Variants in ANO10 observed in about 807,000 individuals in gnomAD.
ANO10 encodes the protein anoctamin-10.
ANO10 carries 77 observed loss-of-function variants against 74.7 expected under a neutral mutation model. The observed-to-expected ratio is 1.03, with a 90% CI of 0.86 to 1.25. The LOEUF (loss-of-function observed/expected upper bound fraction) is 1.25, where lower values mean the gene tolerates loss of function less well. ANO10 is among the 50% of genes most tolerant of loss of function. The pLI is 0.00. For missense variants in ANO10, 721 were observed against 778.1 expected, an observed-to-expected ratio of 0.93 and a Z score of 0.87; for synonymous variants, 279 against 284.9, an observed-to-expected ratio of 0.98 and a Z score of 0.21.
intron 11 of ANO10, among the ~76,000 whole-genome samples, chr3:43,509,326 C>T (rs191985843): frequency 1.9e-4 from 29 of 152,070 alleles, no homozygotes; most frequent in East Asian, 1.7e-3. Flanking sequence ...ATGTAACAAA[C>T]CTGCACGTTG....
In ANO10 at chr3:43,580,142, C is replaced by CA. The variant is rs546649985; in HGVS notation, c.592+210dup. 0.088 allele frequency among the ~76,000 whole-genome samples: 6,352 copies of CA among 72,214 alleles called. 207 individuals carry two copies. The highest frequency in any genetic ancestry group is 0.12 in the Non-Finnish European group (4,279 of 36,080). The allele number at this position is 72,214 out of a possible 152,430, so 47.4% of individuals were successfully genotyped here. A position where few individuals can be genotyped will look rare whatever the true frequency, so the allele number is the denominator to read the frequency against. On this transcript the variant is annotated intron_variant, in intron 5 of 12. Transcript: ENST00000292246. ...CCTGTGACATAGTGAGACCCTATCT[C>CA]AAAAAAAAAAAAAAAAAAGTTTAAA...
rs576585079 is a variant in ANO10 at position 43,660,204 on chromosome 3, C to T, written c.-12+31313G>A. Among the ~76,000 whole-genome samples the T allele has an allele frequency of 2.0e-5, 3 of 152,234 alleles. No homozygotes were observed. The East Asian group carries it at 5.8e-4, about 30-fold the overall frequency. On this transcript the variant is annotated intron_variant, in intron 1 of 3. Transcript: ENST00000413397. Reference sequence around the variant, plus strand: ...ATGACTCTTCTGTTCCAAAGGAACACAACTCCTCGCCAGCAAGAGAACAAA... The same window carrying T: ...ATGACTCTTCTGTTCCAAAGGAACATAACTCCTCGCCAGCAAGAGAACAAA...
At chr3:43,408,524 C>T (rs1177085509) in intron 12 of ANO10, among the ~76,000 whole-genome samples, 1 of 152,130 alleles carries the variant, frequency 6.6e-6, no homozygotes, top group Non-Finnish European at 1.5e-5. Context: ...TTACTTACTG[C>T]CCAAAGTACA....
intron 12 of ANO10, chr3:43,372,996 C>T (rs2091672678): frequency 1.3e-6 from 1 of 776,440 alleles, no homozygotes; most frequent in Non-Finnish European, 2.0e-6. Context: ...GTCAGCATCA[C>T]TCTCTGGCCC....
chr3:43,647,629 A>G (rs750988607), intron 1 of ANO10, among the ~76,000 whole-genome samples: 4 of 152,196 alleles, frequency 2.6e-5, no homozygotes, highest in Non-Finnish European at 5.9e-5. Context: ...TAACCCAGTG[A>G]AGTTAAGACA....
At chr3:43,441,298 GAAGAA>G (rs1250421110) in intron 11 of ANO10, among the ~76,000 whole-genome samples, 4 of 151,402 alleles carry the variant, frequency 2.6e-5, no homozygotes, top group Non-Finnish European at 5.9e-5. Flanking sequence ...CTAGACTAAT[GAAGAA>G]AAGACTCATA....
intron 1 of ANO10, among the ~76,000 whole-genome samples, chr3:43,665,251 A>G (rs1394625214): frequency 6.6e-6 from 1 of 152,172 alleles, no homozygotes; most frequent in Non-Finnish European, 1.5e-5. Context: ...GGAAACCATC[A>G]TTCTCAGCAA....
chr3:43,512,133 T>A (rs906279619), intron 11 of ANO10, among the ~76,000 whole-genome samples: 4 of 152,148 alleles, frequency 2.6e-5, no homozygotes, highest in Admixed American at 2.6e-4. Context: ...CCATGATCTC[T>A]CACTATGTCA....
chr3:43,625,472 T>G (rs926081931), upstream of ANO10, among the ~76,000 whole-genome samples: 5 of 152,240 alleles, frequency 3.3e-5, no homozygotes, highest in African/African-American at 9.6e-5. Context: ...TCTTTACATT[T>G]TATCTAGAGG....
At chr3:43,459,541 A>G (rs1248980771) in intron 11 of ANO10, among the ~76,000 whole-genome samples, 1 of 152,076 alleles carries the variant, frequency 6.6e-6, no homozygotes, top group Admixed American at 6.5e-5. Flanking sequence ...CCAAGTGCGG[A>G]GTGAGGAGAA....
chr3:43,444,530 A>G (rs1387870464), intron 11 of ANO10, among the ~76,000 whole-genome samples: 1 of 152,232 alleles, frequency 6.6e-6, no homozygotes, highest in Non-Finnish European at 1.5e-5. Flanking sequence ...ATATCTTAAG[A>G]TTATGATTTC....
In ANO10 at chr3:43,408,058, G is replaced by A. The variant is rs185558676; in HGVS notation, c.1914+24553C>T. On this transcript the variant is annotated intron_variant, in intron 12 of 12. Transcript: ENST00000292246. ...TGGAGAGAAGAGAGAATGGAGGTAG[G>A]GAGATCAGTCAGAGGGTTGTGGTAG... Among the ~76,000 whole-genome samples, 6 of 152,300 alleles carry A rather than the reference G, an allele frequency of 3.9e-5. No individual in the cohort carries two copies. The East Asian group carries it at 1.2e-3, about 29-fold the overall frequency.
chr3:43,553,943 AC>A (rs1475889520), intron 10 of ANO10, among the ~76,000 whole-genome samples: 8 of 152,072 alleles, frequency 5.3e-5, no homozygotes, highest in Admixed American at 1.3e-4. Flanking sequence ...GGTATTTGTC[AC>A]TTCTAAAATA....
chr3:43,579,588 A>G (rs561524580), intron 5 of ANO10, among the ~76,000 whole-genome samples: 22 of 152,230 alleles, frequency 1.4e-4, no homozygotes, highest in Admixed American at 1.4e-3. Context: ...GCATGGTGGC[A>G]CATGCCTGTA....
intron 4 of ANO10, among the ~76,000 whole-genome samples, chr3:43,586,366 A>G (rs2081481277): frequency 6.6e-6 from 1 of 152,078 alleles, no homozygotes; most frequent in Non-Finnish European, 1.5e-5. Flanking sequence ...ACAGGGCTCC[A>G]TGGAGGTTCT....
intron 12 of ANO10, among the ~76,000 whole-genome samples, chr3:43,417,709 G>C (rs1209759066): frequency 6.6e-6 from 1 of 152,058 alleles, no homozygotes; most frequent in Non-Finnish European, 1.5e-5. Context: ...GCTATATTGC[G>C]ACCTGACAGG....
At chr3:43,459,879 T>C (rs183383440) in intron 11 of ANO10, among the ~76,000 whole-genome samples, 2 of 152,246 alleles carry the variant, frequency 1.3e-5, no homozygotes, top group African/African-American at 2.4e-5. Context: ...ACAGAGAAGT[T>C]AAACAAGTTA....
At chr3:43,679,799 C>T (rs527914767) in intron 1 of ANO10, among the ~76,000 whole-genome samples, 1 of 152,340 alleles carries the variant, frequency 6.6e-6, no homozygotes, top group Admixed American at 6.5e-5. Context: ...TGCTGTTCTG[C>T]AGCCTCCACT....
intron 4 of ANO10, among the ~76,000 whole-genome samples, chr3:43,587,284 G>A (rs2081522586): frequency 6.6e-6 from 1 of 152,098 alleles, no homozygotes; most frequent in Admixed American, 6.6e-5. Flanking sequence ...CCAGAGACAG[G>A]GGAGACTGCA....
Sources: gnomAD v4.1 joint callset for allele counts (sites outside exome capture counted in the v4.1 genomes callset) on GRCh38, gnomAD v4.1.1 for gene constraint, MANE v1.5 for transcripts, NCBI Gene and HGNC (gene_info 2026-07-23, HGNC 2026-07-21) for gene names.